MTO1: variants seen among roughly 807,000 people sequenced by gnomAD.
MTO1 encodes 5-taurinomethyluridine-[tRNA] synthase subunit MTO1, mitochondrial.
A neutral mutation model predicts 71.6 loss-of-function variants in MTO1; 46 were observed. The ratio of observed to expected loss-of-function variants is 0.64; its 90% CI spans 0.51 to 0.82. MTO1 has a LOEUF of 0.82. Among genes scored for constraint, MTO1 ranks in the 40% least tolerant of loss-of-function variants. MTO1 has a pLI of 0.00. For synonymous variants in MTO1, 297 were observed against 312.1 expected (o/e 0.95, Z 0.51); for missense variants, 773 against 867.5 (o/e 0.89, Z 1.37).
At chr6:73,478,920 G>A (rs544344061) in intron 4 of MTO1, among the ~76,000 whole-genome samples, 34 of 132,772 alleles carry the variant, frequency 2.6e-4, no homozygotes, top group Middle Eastern at 4.4e-3. Flanking sequence ...ACGGAATCTC[G>A]CCCTGTCATC....
intron 4 of MTO1, among the ~76,000 whole-genome samples, chr6:73,479,038 G>A (rs1430046244): frequency 6.0e-5 from 9 of 150,856 alleles, no homozygotes; most frequent in African/African-American, 1.9e-4. Context: ...ACAGGCACCC[G>A]CCACCATGCC....
chr6:73,488,981 T>C (rs1283627563), intron 9 of MTO1, among the ~76,000 whole-genome samples: 1 of 152,228 alleles, frequency 6.6e-6, no homozygotes, highest in Non-Finnish European at 1.5e-5. Context: ...TGCTTTTGTT[T>C]CTTGTGCTTT....
intron 9 of MTO1, among the ~76,000 whole-genome samples, chr6:73,485,611 G>A (rs372899812): frequency 6.6e-6 from 1 of 152,040 alleles, no homozygotes; most frequent in African/African-American, 2.4e-5. Flanking sequence ...GCTAATTTTT[G>A]TTTGTATTTT....
In MTO1 at chr6:73,507,452, C is replaced by T. The variant is rs1772318833; in HGVS notation, c.*6717C>T. ...CCAACAGGTTAGGATCTGTGTATTC[C>T]TCAGAGTAAGAATTTTTCTAAAAAG... On this transcript the variant is annotated 3_prime_UTR_variant, in exon 12 of 12. Coordinates refer to ENST00000498286, the MANE Select transcript of MTO1 (RefSeq NM_012123.4). 1 of 152,226 alleles carries T rather than the reference C, an allele frequency of 6.6e-6. No homozygotes were observed. The highest frequency in any genetic ancestry group is 1.5e-5 in the Non-Finnish European group (1 of 68,042). 9.4% of individuals were successfully genotyped at this position (152,226 alleles called of 1,614,324 possible).
At chr6:73,478,796 C>T (rs1582683312) in intron 4 of MTO1, among the ~76,000 whole-genome samples, 2 of 152,246 alleles carry the variant, frequency 1.3e-5, no homozygotes, top group Admixed American at 1.3e-4. Flanking sequence ...CACACCTTGG[C>T]CTCCCAAAGT....
At chr6:73,489,606 G>T (rs1771750439) in intron 9 of MTO1, among the ~76,000 whole-genome samples, 1 of 152,028 alleles carries the variant, frequency 6.6e-6, no homozygotes, top group Non-Finnish European at 1.5e-5. Flanking sequence ...CCCTACAAAG[G>T]ACATGAACTC....
intron 4 of MTO1, among the ~76,000 whole-genome samples, chr6:73,479,328 C>G (rs1771421414): frequency 6.6e-6 from 1 of 151,932 alleles, no homozygotes; most frequent in Non-Finnish European, 1.5e-5. Flanking sequence ...AACTCTGTCT[C>G]TACCAAAAAT....
intron 4 of MTO1, among the ~76,000 whole-genome samples, chr6:73,475,487 A>G (rs1771286057): frequency 6.7e-6 from 1 of 148,438 alleles, no homozygotes; most frequent in Non-Finnish European, 1.5e-5. Context: ...GGGTTTCACC[A>G]TGTTGATCAG....
intron 3 of MTO1, among the ~76,000 whole-genome samples, chr6:73,468,897 C>G (rs1022279237): frequency 6.6e-6 from 1 of 152,148 alleles, no homozygotes; most frequent in South Asian, 2.1e-4. Flanking sequence ...GGTGAGCCAC[C>G]ACACCTGGCC....
At chr6:73,497,291 T>G (rs1772014297) in intron 10 of MTO1, among the ~76,000 whole-genome samples, 1 of 150,970 alleles carries the variant, frequency 6.6e-6, no homozygotes, top group Non-Finnish European at 1.5e-5. Flanking sequence ...TAGCTGGGAT[T>G]ACAGGTGGAT....
intron 1 of MTO1, among the ~76,000 whole-genome samples, chr6:73,464,835 C>CAA (rs70996805): frequency 0.052 from 1,461 of 28,258 alleles, 118 homozygotes; most frequent in South Asian, 0.062. Flanking sequence ...AACTCTGTCT[C>CAA]AAAAAAAAAA....
chr6:73,482,735 C>T, intron 9 of MTO1, 115 bp downstream of exon 9: 3 of 758,582 alleles, frequency 4.0e-6, no homozygotes, highest in Non-Finnish European at 5.7e-6. Flanking sequence ...ATGAATGTAG[C>T]TTGTTTTTGG....
chr6:73,501,959 G>T lies in MTO1; in HGVS notation c.*1224G>T, dbSNP rs548516626. The T allele has an allele frequency of 6.6e-6, 1 of 152,256 alleles. No homozygotes were observed. The highest frequency in any genetic ancestry group is 2.1e-4 in the South Asian group (1 of 4,824). 9.4% of individuals were successfully genotyped at this position (152,256 alleles called of 1,614,324 possible). A position where few individuals can be genotyped will look rare whatever the true frequency, so the allele number is the denominator to read the frequency against. ...CTTGGGTTTATTTTATCTAATTTTA[G>T]TCTTTCCAGAAAGCAGTAAGATTAG... On this transcript the variant is annotated 3_prime_UTR_variant, in exon 12 of 12. Transcript: ENST00000498286.
Position 73,505,983 on chromosome 6 carries a change from CTT to C in MTO1, c.*5257_*5258del. On this transcript the variant is annotated 3_prime_UTR_variant, in exon 12 of 12. Coordinates refer to ENST00000498286, the MANE Select transcript of MTO1 (RefSeq NM_012123.4). Reference sequence around the variant, plus strand: ...TGGTTACGATGGAATTTTTCTTTTTCTTTTTTTTTTCTTGAGACGGAGTCTCG... The same window carrying C: ...TGGTTACGATGGAATTTTTCTTTTTCTTTTTTTTCTTGAGACGGAGTCTCG... The C allele has an allele frequency of 6.7e-6, 1 of 149,898 alleles. No homozygotes were observed. Among genetic ancestry groups the C allele is most frequent in the Non-Finnish European group, 1.5e-5 (1 of 67,206 alleles). 9.3% of individuals were successfully genotyped at this position (149,898 alleles called of 1,614,324 possible). A position where few individuals can be genotyped will look rare whatever the true frequency, so the allele number is the denominator to read the frequency against.
chr6:73,497,157 C>CT lies in MTO1; in HGVS notation c.1757-566dup, dbSNP rs765385743. Among the ~76,000 whole-genome samples the CT allele has an allele frequency of 7.7e-3, 717 of 92,752 alleles. 70 individuals carry two copies. The highest frequency in any genetic ancestry group is 0.025 in the African/African-American group (611 of 24,354). 60.8% of individuals were successfully genotyped at this position (92,752 alleles called of 152,430 possible). A position where few individuals can be genotyped will look rare whatever the true frequency, so the allele number is the denominator to read the frequency against. On this transcript the variant is annotated intron_variant, in intron 10 of 11. Coordinates refer to ENST00000498286, the MANE Select transcript of MTO1 (RefSeq NM_012123.4). ...TTTGCACTGACAGCGGAAGCAAATT[C>CT]TTTTTTTTTTTTTGAGACAGAGTCT...
At chr6:73,476,469 C>T (rs945812803) in intron 4 of MTO1, among the ~76,000 whole-genome samples, 3 of 151,302 alleles carry the variant, frequency 2.0e-5, no homozygotes, top group Non-Finnish European at 4.4e-5. Flanking sequence ...TAAGCAACAT[C>T]GAGAAAAAGT....
rs542801818 is a variant in MTO1 at position 73,483,039 on chromosome 6, G to T, written c.1637+419G>T. On this transcript the variant is annotated intron_variant, in intron 9 of 11. Coordinates refer to ENST00000498286, the MANE Select transcript of MTO1 (RefSeq NM_012123.4). ...GATCTCCTGATCTCGTGATCCGCCC[G>T]CCTCGGCCTCCCAAAGTGCTGGGAT... 2.6e-5 allele frequency among the ~76,000 whole-genome samples: 4 copies of T among 151,990 alleles called. No homozygotes were observed. In the East Asian group the frequency reaches 7.8e-4, roughly 30 times the overall value.
rs117407584 is a variant in MTO1, at chr6:73,477,767, A to G, written c.826-1965A>G. ...AGGGATCTGCCTGCCTTGGGCCCCA[A>G]AAGTGCTGGGATTACAAGTATGAGC... is the stretch of plus-strand genomic sequence containing the variant. On this transcript the variant is annotated intron_variant, in intron 4 of 11. Coordinates refer to ENST00000498286, the MANE Select transcript of MTO1 (RefSeq NM_012123.4). Among the ~76,000 whole-genome samples the G allele has an allele frequency of 4.9e-3, 738 of 152,054 alleles. 40 individuals are homozygous for G. The East Asian group carries it at 0.12, about 26-fold the overall frequency.
chr6:73,499,521 CA>C (rs200492522), intron 11 of MTO1, among the ~76,000 whole-genome samples: 1,422 of 108,696 alleles, frequency 0.013, 17 homozygotes, highest in African/African-American at 0.032. Flanking sequence ...AACCCTGTCT[CA>C]AAAAAAAAAA....
Sources: allele counts gnomAD v4.1 joint callset (sites outside exome capture counted in the v4.1 genomes callset), GRCh38; gene constraint gnomAD v4.1.1; transcripts MANE v1.5; gene names NCBI Gene and HGNC (gene_info 2026-07-23, HGNC 2026-07-21).